Variants in BLTP3A observed in about 807,000 individuals in gnomAD.
The protein encoded by BLTP3A is ICBP90 binding protein 1.
chr6:34,832,337 G>A, the BLTP3A span, among the ~76,000 whole-genome samples: 1 of 152,058 alleles, frequency 6.6e-6, no homozygotes, highest in African/African-American at 2.4e-5. Flanking sequence ...GCTGGGCTGA[G>A]CTCAAACTCC....
At chr6:34,855,723 G>A in the BLTP3A span, 184 of 1,612,782 alleles carry the variant, frequency 1.1e-4, no homozygotes, top group Non-Finnish European at 1.5e-4. Context: ...ACTCTGAATG[G>A]GGCCAATTCT....
chr6:34,859,716 G>C, the BLTP3A span: 2 of 1,251,192 alleles, frequency 1.6e-6, no homozygotes, highest in African/African-American at 1.5e-5. Flanking sequence ...TATTTAATGG[G>C]CAGTTTTCAA....
At chr6:34,856,285 C>G in the BLTP3A span, 1 of 1,613,946 alleles carries the variant, frequency 6.2e-7, no homozygotes, top group Non-Finnish European at 8.5e-7. Flanking sequence ...CCATGGAGAC[C>G]CGAGGCCAGT....
At chr6:34,867,155 T>C in the BLTP3A span, 1 of 1,467,154 alleles carries the variant, frequency 6.8e-7, no homozygotes, top group Non-Finnish European at 9.1e-7. Context: ...ACAGTTGTCA[T>C]TGTTTGTAGA....
chr6:34,827,746 C>T, the BLTP3A span, among the ~76,000 whole-genome samples: 1 of 152,138 alleles, frequency 6.6e-6, no homozygotes, highest in Non-Finnish European at 1.5e-5. Flanking sequence ...ATTCTCCTGC[C>T]TCAGCTTCCT....
chr6:34,849,223 T>A, the BLTP3A span, among the ~76,000 whole-genome samples: 2 of 152,190 alleles, frequency 1.3e-5, no homozygotes, highest in Middle Eastern at 3.4e-3. Flanking sequence ...GGTCTCAAAC[T>A]CCTGGCATCA....
chr6:34,867,265 T>C, the BLTP3A span: 2 of 1,614,016 alleles, frequency 1.2e-6, no homozygotes, highest in Non-Finnish European at 1.7e-6. Flanking sequence ...CTCTTTCAAA[T>C]GTCTCAGATA....
the BLTP3A span, chr6:34,859,026 T>A: frequency 6.2e-7 from 1 of 1,614,208 alleles, no homozygotes; most frequent in Non-Finnish European, 8.5e-7. Flanking sequence ...CACCCGGTGC[T>A]GTCGATGCTG....
the BLTP3A span, chr6:34,857,654 T>C: frequency 1.3e-6 from 2 of 1,484,022 alleles, no homozygotes; most frequent in Middle Eastern, 1.9e-4. Flanking sequence ...GTAATATAGT[T>C]AATATTAGGT....
the BLTP3A span, chr6:34,859,405 G>T: frequency 6.2e-7 from 1 of 1,614,172 alleles, no homozygotes; most frequent in Non-Finnish European, 8.5e-7. Flanking sequence ...CATTGAGGGA[G>T]AATTGTCAAG....
chr6:34,855,779 A>G, the BLTP3A span: 1 of 1,598,218 alleles, frequency 6.3e-7, no homozygotes, highest in Admixed American at 1.7e-5. Flanking sequence ...TTCATCCCTG[A>G]CCGCTTAACA....
At chr6:34,794,941 C>G in the BLTP3A span, among the ~76,000 whole-genome samples, 1 of 151,560 alleles carries the variant, frequency 6.6e-6, no homozygotes, top group Non-Finnish European at 1.5e-5. Flanking sequence ...TGCGCCACCA[C>G]GCCCAGCTAA....
chr6:34,825,077 C>T, the BLTP3A span, among the ~76,000 whole-genome samples: 3 of 152,156 alleles, frequency 2.0e-5, no homozygotes, highest in African/African-American at 7.2e-5. Context: ...ACCACACACA[C>T]ATTTTTAAAT....
chr6:34,839,174 C>T, the BLTP3A span, among the ~76,000 whole-genome samples: 8 of 152,078 alleles, frequency 5.3e-5, no homozygotes, highest in South Asian at 2.1e-4. Context: ...TGCTTGAACC[C>T]GGGAGGCGGA....
At chr6:34,834,983 G>C in the BLTP3A span, 1 of 1,277,458 alleles carries the variant, frequency 7.8e-7, no homozygotes, top group Admixed American at 2.6e-5. Context: ...AAGGGGGAAG[G>C]CCTGTAAATC....
At chr6:34,876,038 T>G in the BLTP3A span, 1 of 152,634 alleles carries the variant, frequency 6.6e-6, no homozygotes, top group South Asian at 2.1e-4. Context: ...TTATCTGTGA[T>G]TGTCTGCATT....
At chr6:34,804,529 G>A in the BLTP3A span, among the ~76,000 whole-genome samples, 1 of 152,114 alleles carries the variant, frequency 6.6e-6, no homozygotes, top group Non-Finnish European at 1.5e-5. Context: ...CCAGGCAGAG[G>A]GAGCCGCATG....
the BLTP3A span, chr6:34,858,680 CA>C: frequency 6.2e-7 from 1 of 1,614,016 alleles, no homozygotes; most frequent in Non-Finnish European, 8.5e-7. Context: ...CATCCGCGGT[CA>C]AAGACTGAAC....
the BLTP3A span, chr6:34,792,162 C>A: frequency 2.4e-6 from 3 of 1,267,290 alleles, no homozygotes; most frequent in Non-Finnish European, 3.1e-6. Flanking sequence ...GCTCACGCCG[C>A]GGCGAGGTGA....
Sources: allele counts gnomAD v4.1 joint callset (sites outside exome capture counted in the v4.1 genomes callset), GRCh38; gene constraint gnomAD v4.1.1; transcripts MANE v1.5; gene names NCBI Gene and HGNC (gene_info 2026-07-23, HGNC 2026-07-21).